The following RORA variants were observed in gnomAD, a reference collection of about 807,000 sequenced individuals.
RORA encodes the protein nuclear receptor ROR-alpha.
Under a neutral mutation model 69.5 loss-of-function variants are expected in RORA, and 7 were observed. The observed-to-expected ratio is 0.10, with a 90% CI of 0.06 to 0.19. The LOEUF is 0.19. Among genes scored for constraint, RORA ranks in the 10% least tolerant of loss-of-function variants. RORA has a pLI of 1.00. For synonymous variants in RORA, 261 were observed against 240.8 expected, an observed-to-expected ratio of 1.08 and a Z score of -0.78; for missense variants, 457 against 663.0, an observed-to-expected ratio of 0.69 and a Z score of 3.41.
intron 1 of RORA, among the ~76,000 whole-genome samples, chr15:61,021,751 A>G (rs993785566): frequency 2.0e-5 from 3 of 152,248 alleles, no homozygotes; most frequent in African/African-American, 7.2e-5. Flanking sequence ...AAAGTAGGGC[A>G]TGTCTGAGAT....
At chr15:60,878,293 G>C (rs1284707334) in intron 1 of RORA, among the ~76,000 whole-genome samples, 1 of 143,882 alleles carries the variant, frequency 7.0e-6, no homozygotes, top group Non-Finnish European at 1.5e-5. Context: ...GCAGTGGGCC[G>C]AGATCGCGGC....
intron 1 of RORA, among the ~76,000 whole-genome samples, chr15:61,118,947 A>T (rs1042776924): frequency 3.9e-5 from 6 of 152,164 alleles, no homozygotes; most frequent in African/African-American, 1.4e-4. Context: ...GCGACCTATA[A>T]TACTGACATC....
chr15:60,576,155 C>T (rs568530896), intron 2 of RORA, among the ~76,000 whole-genome samples: 12 of 152,332 alleles, frequency 7.9e-5, no homozygotes, highest in African/African-American at 2.9e-4. Flanking sequence ...TCATGGGCAG[C>T]GTGGCTGTGG....
Position 60,597,585 on chromosome 15 carries a change from TATATATATACAC to T in RORA, c.197-65746_197-65735del, listed in dbSNP as rs1203407380. Among the ~76,000 whole-genome samples, 6 of 22,132 alleles carry T rather than the reference TATATATATACAC, an allele frequency of 2.7e-4. 1 individual carries two copies. The highest frequency in any genetic ancestry group is 0.037 in the Middle Eastern group (2 of 54). 14.5% of individuals were successfully genotyped at this position (22,132 alleles called of 152,430 possible). On this transcript the variant is annotated intron_variant, in intron 2 of 10. Transcript: ENST00000335670. ...ATATATATATATATACACATATATA[TATATATATACAC>T]ATATATATATATATATATATACATA...
intron 1 of RORA, among the ~76,000 whole-genome samples, chr15:60,733,678 G>A (rs1003156236): frequency 1.3e-5 from 2 of 152,126 alleles, no homozygotes; most frequent in Admixed American, 1.3e-4. Context: ...GCTTCTGGAA[G>A]GCAAAATTTG....
chr15:60,855,706 C>T (rs1464918930), intron 1 of RORA, among the ~76,000 whole-genome samples: 3 of 152,128 alleles, frequency 2.0e-5, no homozygotes, highest in Non-Finnish European at 4.4e-5. Context: ...CTGCAGCCTC[C>T]GCCTCCCGGA....
chr15:61,002,690 T>G (rs1894780206), intron 1 of RORA, among the ~76,000 whole-genome samples: 1 of 152,128 alleles, frequency 6.6e-6, no homozygotes, highest in Non-Finnish European at 1.5e-5. Flanking sequence ...TCATGCCGCT[T>G]TAGGGTTTAA....
At chr15:61,113,182 T>C (rs2079022466) in intron 1 of RORA, among the ~76,000 whole-genome samples, 1 of 152,244 alleles carries the variant, frequency 6.6e-6, no homozygotes, top group Non-Finnish European at 1.5e-5. Context: ...ATGCAGACCT[T>C]AATCTAACCT....
chr15:60,688,546 G>A (rs957400608), intron 1 of RORA, among the ~76,000 whole-genome samples: 1 of 152,164 alleles, frequency 6.6e-6, no homozygotes, highest in Non-Finnish European at 1.5e-5. Flanking sequence ...AGGAGACCCA[G>A]TTTCCTATGG....
At chr15:61,183,462 G>A (rs745525718) in intron 1 of RORA, among the ~76,000 whole-genome samples, 4 of 150,890 alleles carry the variant, frequency 2.7e-5, no homozygotes, top group Non-Finnish European at 1.5e-5. Context: ...TTGAACCCGG[G>A]AGGGAGAAGT....
intron 1 of RORA, among the ~76,000 whole-genome samples, chr15:60,794,701 G>A (rs551655591): frequency 2.0e-5 from 3 of 152,296 alleles, no homozygotes; most frequent in South Asian, 4.1e-4. Context: ...ATTTCTAAAC[G>A]ATTGGCCACT....
At chr15:60,653,872 A>C (rs147272051) in intron 2 of RORA, among the ~76,000 whole-genome samples, 77 of 151,800 alleles carry the variant, frequency 5.1e-4, no homozygotes, top group African/African-American at 1.8e-3. Context: ...TAATGTTATG[A>C]TTTGTGTTTC....
chr15:60,683,135 C>T (rs1483933816), intron 1 of RORA, among the ~76,000 whole-genome samples: 3 of 152,184 alleles, frequency 2.0e-5, no homozygotes, highest in African/African-American at 4.8e-5. Flanking sequence ...CTCAGCCTCC[C>T]TAGTAGCTGG....
Position 60,719,305 on chromosome 15 carries a change from ATG to A in RORA, c.167-40621_167-40620del, listed in dbSNP as rs576552710. Among the ~76,000 whole-genome samples, 8 of 151,150 alleles carry A rather than the reference ATG, an allele frequency of 5.3e-5. No individual in the cohort carries two copies. The East Asian group carries it at 5.9e-4, about 11-fold the overall frequency. On this transcript the variant is annotated intron_variant, in intron 1 of 10. Transcript: ENST00000335670. ...TAAAATACTTCGGCAAAATAAAAAA[ATG>A]TGTGTGTGTGTGTTAGCAGGAGGGG...
intron 1 of RORA, among the ~76,000 whole-genome samples, chr15:61,080,443 G>A (rs1204543265): frequency 6.6e-6 from 1 of 152,176 alleles, no homozygotes; most frequent in East Asian, 1.9e-4. Context: ...TACAATAATG[G>A]ACAGTAGCAG....
At chr15:60,755,483 C>G (rs1373942214) in intron 1 of RORA, among the ~76,000 whole-genome samples, 3 of 152,028 alleles carry the variant, frequency 2.0e-5, no homozygotes, top group Non-Finnish European at 4.4e-5. Context: ...GATTTATAAT[C>G]CTTTGGGTAT....
At chr15:60,952,373 AC>A (rs1410740714) in intron 1 of RORA, among the ~76,000 whole-genome samples, 1 of 152,290 alleles carries the variant, frequency 6.6e-6, no homozygotes, top group East Asian at 1.9e-4. Flanking sequence ...CCCTTTGAAA[AC>A]TGGCACAAGA....
intron 1 of RORA, among the ~76,000 whole-genome samples, chr15:61,148,721 T>C (rs2140871767): frequency 6.6e-6 from 1 of 152,280 alleles, no homozygotes; most frequent in Non-Finnish European, 1.5e-5. Flanking sequence ...TAACCAAATG[T>C]CCAATATTAT....
At chr15:60,694,728 C>A (rs942259600) in intron 1 of RORA, among the ~76,000 whole-genome samples, 5 of 152,164 alleles carry the variant, frequency 3.3e-5, no homozygotes, top group African/African-American at 1.2e-4. Flanking sequence ...CTTGTCTTTG[C>A]TTTTCCCCAC....
Sources: allele counts gnomAD v4.1 joint callset (sites outside exome capture counted in the v4.1 genomes callset), GRCh38; gene constraint gnomAD v4.1.1; transcripts MANE v1.5; gene names NCBI Gene and HGNC (gene_info 2026-07-23, HGNC 2026-07-21).